The following USP10 variants were observed in gnomAD, a reference collection of about 807,000 sequenced individuals.
USP10 encodes ubiquitin specific peptidase 10.
USP10 carries 22 observed loss-of-function variants against 84.5 expected under a neutral mutation model. The observed-to-expected ratio is 0.26, with a 90% CI of 0.19 to 0.37. USP10 has a LOEUF of 0.37. Ranked by LOEUF, USP10 falls within the 10% of genes least tolerant of loss-of-function variation. The probability of loss-of-function intolerance (pLI) is 1.00; values close to 1 mark genes in which losing one functional copy is unlikely to be tolerated. For missense variants in USP10, 1,019 were observed against 998.9 expected, an observed-to-expected ratio of 1.02 and a Z score of -0.27; for synonymous variants, 454 against 387.6, an observed-to-expected ratio of 1.17 and a Z score of -2.01.
At chr16:84,739,995 A>T (rs752889352) in intron 2 of USP10, among the ~76,000 whole-genome samples, 7 of 152,362 alleles carry the variant, frequency 4.6e-5, no homozygotes, top group Middle Eastern at 3.4e-3. Flanking sequence ...ATCCTGTGGA[A>T]AGAAGGATGT....
chr16:84,700,752 C>T (rs1163326654), intron 1 of USP10, among the ~76,000 whole-genome samples: 1 of 152,148 alleles, frequency 6.6e-6, no homozygotes, highest in Non-Finnish European at 1.5e-5. Context: ...TGCACGAATC[C>T]ATCCCAGCCA....
chr16:84,735,240 GT>G (rs1909781666), intron 2 of USP10, among the ~76,000 whole-genome samples: 3 of 142,858 alleles, frequency 2.1e-5, no homozygotes, highest in Non-Finnish European at 4.6e-5. Context: ...TGTGTGTGGT[GT>G]GTGTGTTTTT....
In USP10 at chr16:84,779,417, A is replaced by G. The variant is rs16974598; in HGVS notation, c.*335A>G. 0.027 allele frequency: 5,004 copies of G among 183,174 alleles called. 250 individuals carry two copies. Among genetic ancestry groups the G allele is most frequent in the African/African-American group, 0.11 (4,637 of 42,780 alleles). The allele number at this position is 183,174 out of a possible 1,614,324, so 11.3% of individuals were successfully genotyped here. On this transcript the variant is annotated 3_prime_UTR_variant, in exon 14 of 14. Transcript: ENST00000219473. ...TTAGTAGAATAAATCCTGCACCAGC[A>G]ACAACACTTGTAAATTTGTGAAAAT... is the stretch of plus-strand genomic sequence containing the variant.
rs546093838 is a variant in USP10, at chr16:84,771,512, A to G, written c.1999-1029A>G. On this transcript the variant is annotated intron_variant, in intron 11 of 13. Transcript: ENST00000219473. Reference sequence around the variant, plus strand: ...TCCTGTCTTAAAAAAACAAACAAACAAAAAAACCCACCTAATCCTACTGGT... The same window carrying G: ...TCCTGTCTTAAAAAAACAAACAAACGAAAAAACCCACCTAATCCTACTGGT... Among the ~76,000 whole-genome samples, 7 of 152,204 alleles carry G rather than the reference A, an allele frequency of 4.6e-5. No homozygotes were observed. In the East Asian group the frequency reaches 1.4e-3, roughly 29 times the overall value.
chr16:84,748,889 T>C (rs183564233), intron 4 of USP10, among the ~76,000 whole-genome samples: 3 of 152,320 alleles, frequency 2.0e-5, no homozygotes, highest in East Asian at 3.9e-4. Flanking sequence ...ACGTAATTAT[T>C]TTTGTGTGGA....
At chr16:84,727,104 A>G (rs1184173177) in intron 1 of USP10, among the ~76,000 whole-genome samples, 2 of 152,200 alleles carry the variant, frequency 1.3e-5, no homozygotes, top group African/African-American at 2.4e-5. Flanking sequence ...ACAGCCACCA[A>G]TATGTCCTAA....
At chr16:84,710,456 G>A (rs1244815045) in intron 1 of USP10, among the ~76,000 whole-genome samples, 4 of 151,946 alleles carry the variant, frequency 2.6e-5, no homozygotes, top group African/African-American at 9.7e-5. Flanking sequence ...TTTCTTTTGG[G>A]GACTTTTGAG....
At chr16:84,757,485 C>G (rs1912722652) in intron 4 of USP10, among the ~76,000 whole-genome samples, 1 of 148,708 alleles carries the variant, frequency 6.7e-6, no homozygotes, top group African/African-American at 2.5e-5. Context: ...TTGATTAGTG[C>G]CGAAGTCTGG....
At chr16:84,704,953 A>C in intron 1 of USP10, 66 of 1,520,746 alleles carry the variant, frequency 4.3e-5, no homozygotes, top group Non-Finnish European at 5.8e-5. Context: ...TGTTAGGAGA[A>C]TGTGCATGTG....
intron 1 of USP10, among the ~76,000 whole-genome samples, chr16:84,724,741 T>G (rs994882706): frequency 1.3e-5 from 2 of 152,208 alleles, no homozygotes; most frequent in African/African-American, 4.8e-5. Flanking sequence ...GTGTGTTGTG[T>G]TCAAAGTTTT....
At chr16:84,776,159 C>A (rs1914990766) in intron 13 of USP10, among the ~76,000 whole-genome samples, 1 of 152,148 alleles carries the variant, frequency 6.6e-6, no homozygotes, top group Non-Finnish European at 1.5e-5. Context: ...AAGAATAAAC[C>A]AGAACTCAAG....
chr16:84,777,016 T>C (rs1418257344), intron 13 of USP10, among the ~76,000 whole-genome samples: 1 of 152,248 alleles, frequency 6.6e-6, no homozygotes, highest in African/African-American at 2.4e-5. Flanking sequence ...TTTCGCCCTT[T>C]TGGCCAGGCT....
intron 2 of USP10, among the ~76,000 whole-genome samples, chr16:84,737,967 G>A (rs760207504): frequency 7.2e-5 from 11 of 152,194 alleles, no homozygotes; most frequent in Admixed American, 2.6e-4. Flanking sequence ...TATTTTTCCC[G>A]ATTGCTGGGG....
chr16:84,762,738 A>G (rs775931487), intron 8 of USP10, among the ~76,000 whole-genome samples: 6 of 152,110 alleles, frequency 3.9e-5, no homozygotes, highest in Non-Finnish European at 5.9e-5. Flanking sequence ...AAAAATACAG[A>G]AAGTATAAAT....
Position 84,759,922 on chromosome 16 carries a change from C to G in USP10, c.1426C>G (p.Pro476Ala). The change falls in exon 7 of 14, where the codon CCA becomes GCA. Residue 476 changes from proline to alanine, a missense_variant. This residue lies in a region of USP10 where 787 missense variants were observed against 708.8 expected (regional missense o/e 1.11). Transcript: ENST00000219473. ...GCTAATGAATGAGTTCACTAATATG[C>G]CAGTACCTCCAAAACCCCGACAAGG... ...VRLMNEFTNM[P>A]VPPKPRQALG... The G allele has an allele frequency of 6.2e-7, 1 of 1,613,954 alleles. No homozygotes were observed. Among genetic ancestry groups the G allele is most frequent in the African/African-American group, 1.3e-5 (1 of 75,046 alleles).
Position 84,744,978 on chromosome 16 carries a change from G to T in USP10, c.497G>T (p.Gly166Val), listed in dbSNP as rs1413574278. The T allele has an allele frequency of 6.2e-7, 1 of 1,613,834 alleles. No individual in the cohort carries two copies. ...PPGYYSYLKD[G>V]GDDSISTEAL... The stretch of plus-strand genomic sequence containing the variant: ...GGATATTACAGCTATTTGAAAGATG[G>T]TGGCGATGATAGTATCTCCACAGAA... The change falls in exon 4 of 14, where the codon GGT becomes GTT. Residue 166 changes from glycine to valine, a missense_variant. Transcript: ENST00000219473.
At chr16:84,705,238 G>GTTT (rs559337982) in intron 1 of USP10, among the ~76,000 whole-genome samples, 1 of 143,758 alleles carries the variant, frequency 7.0e-6, no homozygotes, top group Non-Finnish European at 1.5e-5. Context: ...TTTTTTGTTT[G>GTTT]TTTTTTTTTT....
At chr16:84,767,404 G>A (rs1050526892) in intron 10 of USP10, among the ~76,000 whole-genome samples, 1 of 152,178 alleles carries the variant, frequency 6.6e-6, no homozygotes, top group South Asian at 2.1e-4. Flanking sequence ...TCTTGGAAGG[G>A]TGGCAGCCTT....
chr16:84,734,808 G>A (rs116044132), intron 2 of USP10, among the ~76,000 whole-genome samples: 54 of 152,236 alleles, frequency 3.5e-4, no homozygotes, highest in African/African-American at 1.3e-3. Flanking sequence ...TGAAATTGAG[G>A]CACTGAATTT....
Sources: allele counts gnomAD v4.1 joint callset (sites outside exome capture counted in the v4.1 genomes callset), GRCh38; gene constraint gnomAD v4.1.1; regional missense constraint gnomAD v4.1.1; transcripts MANE v1.5; gene names NCBI Gene and HGNC (gene_info 2026-07-23, HGNC 2026-07-21).